Variants in PPARGC1A observed in about 807,000 individuals in gnomAD.
The protein encoded by PPARGC1A is peroxisome proliferator-activated receptor gamma coactivator 1-alpha.
Under a neutral mutation model 88.7 loss-of-function variants are expected in PPARGC1A, and 25 were observed. That is an observed-to-expected ratio of 0.28 (90% CI 0.21 to 0.39). PPARGC1A has a LOEUF of 0.39. PPARGC1A is among the 10% of genes least tolerant of loss of function. PPARGC1A has a pLI of 1.00. For synonymous variants in PPARGC1A, 363 were observed against 355.6 expected (o/e 1.02, Z -0.24); for missense variants, 880 against 968.7 (o/e 0.91, Z 1.22).
the PPARGC1A span, among the ~76,000 whole-genome samples, chr4:24,234,154 C>T: frequency 4.0e-5 from 6 of 151,894 alleles, no homozygotes; most frequent in Non-Finnish European, 7.3e-5. Flanking sequence ...GCACAATGGG[C>T]AGATTTGGAT....
At chr4:24,177,850 T>G in the PPARGC1A span, among the ~76,000 whole-genome samples, 2 of 151,974 alleles carry the variant, frequency 1.3e-5, no homozygotes, top group Non-Finnish European at 2.9e-5. Flanking sequence ...TAATTGCATA[T>G]GAGAAGTCTT....
the PPARGC1A span, among the ~76,000 whole-genome samples, chr4:24,023,914 C>T: frequency 7.9e-3 from 1,204 of 152,314 alleles, 38 homozygotes; most frequent in East Asian, 0.083. Flanking sequence ...CTGTTACAAA[C>T]CTTCAAAGCA....
At chr4:24,103,955 C>T in the PPARGC1A span, among the ~76,000 whole-genome samples, 3 of 152,298 alleles carry the variant, frequency 2.0e-5, no homozygotes, top group Non-Finnish European at 2.9e-5. Flanking sequence ...ACATCGTGTG[C>T]ATTTTCTTTT....
the PPARGC1A span, among the ~76,000 whole-genome samples, chr4:24,146,567 G>A: frequency 6.6e-6 from 1 of 152,214 alleles, no homozygotes; most frequent in Non-Finnish European, 1.5e-5. Context: ...ATCCTAATAG[G>A]AGGCATATAT....
At chr4:24,254,732 A>G in the PPARGC1A span, among the ~76,000 whole-genome samples, 1 of 152,236 alleles carries the variant, frequency 6.6e-6, no homozygotes, top group Non-Finnish European at 1.5e-5. Flanking sequence ...CAAGCTGCAT[A>G]TTGTGATGAG....
intron 10 of PPARGC1A, among the ~76,000 whole-genome samples, chr4:23,808,414 T>G (rs1016818555): frequency 6.6e-6 from 1 of 152,144 alleles, no homozygotes; most frequent in South Asian, 2.1e-4. Context: ...ACATCTAGTT[T>G]TGGTTTTGAG....
chr4:23,927,792 G>T, the PPARGC1A span, among the ~76,000 whole-genome samples: 1 of 152,144 alleles, frequency 6.6e-6, no homozygotes, highest in Admixed American at 6.5e-5. Flanking sequence ...GTACTACACT[G>T]TCCACAATCA....
the PPARGC1A span, among the ~76,000 whole-genome samples, chr4:24,427,317 G>A: frequency 1.4e-5 from 2 of 143,580 alleles, no homozygotes; most frequent in Admixed American, 1.4e-4. Context: ...GTCTGGCTCT[G>A]CTACCCAGGC....
chr4:24,365,416 A>G, the PPARGC1A span, among the ~76,000 whole-genome samples: 2 of 152,288 alleles, frequency 1.3e-5, no homozygotes, highest in South Asian at 4.1e-4. Context: ...AACAATGGCA[A>G]TGATTGAGTA....
chr4:24,071,496 C>CCT, the PPARGC1A span, among the ~76,000 whole-genome samples: 1 of 151,048 alleles, frequency 6.6e-6, no homozygotes, highest in Non-Finnish European at 1.5e-5. Flanking sequence ...AAATTGCATG[C>CCT]TTTTTTTTTC....
At chr4:23,847,769 C>T (rs1728575975) in intron 2 of PPARGC1A, among the ~76,000 whole-genome samples, 1 of 152,128 alleles carries the variant, frequency 6.6e-6, no homozygotes, top group South Asian at 2.1e-4. Flanking sequence ...ATGATCTATG[C>T]ATGGATACTG....
chr4:23,907,814 T>C (rs1424141064), upstream of PPARGC1A, among the ~76,000 whole-genome samples: 6 of 152,180 alleles, frequency 3.9e-5, no homozygotes, highest in Non-Finnish European at 7.3e-5. Context: ...TTAAAATAAA[T>C]GCACACATTA....
At chr4:24,264,014 G>A in the PPARGC1A span, among the ~76,000 whole-genome samples, 3 of 152,130 alleles carry the variant, frequency 2.0e-5, no homozygotes, top group Non-Finnish European at 4.4e-5. Flanking sequence ...GCCTCCCAAA[G>A]TGCTGGGATT....
intron 1 of PPARGC1A, among the ~76,000 whole-genome samples, chr4:23,889,605 T>C (rs1357822304): frequency 2.0e-5 from 3 of 152,186 alleles, no homozygotes; most frequent in Non-Finnish European, 1.5e-5. Flanking sequence ...TATCAATATC[T>C]TAGAGCATAA....
chr4:23,860,062 A>C (rs1185117587), intron 2 of PPARGC1A, among the ~76,000 whole-genome samples: 2 of 152,038 alleles, frequency 1.3e-5, no homozygotes, highest in Non-Finnish European at 2.9e-5. Context: ...GATTGAGGCC[A>C]GGAGTTCAAC....
the PPARGC1A span, among the ~76,000 whole-genome samples, chr4:23,934,981 T>C: frequency 1.3e-5 from 2 of 152,220 alleles, no homozygotes; most frequent in Non-Finnish European, 2.9e-5. Context: ...AGCTTCCCTG[T>C]CTTTTCCACT....
At chr4:24,350,084 G>C in the PPARGC1A span, among the ~76,000 whole-genome samples, 1 of 152,212 alleles carries the variant, frequency 6.6e-6, no homozygotes, top group African/African-American at 2.4e-5. Flanking sequence ...TCTCCAGTGG[G>C]GGGTGTGTTC....
chr4:24,172,689 C>T, the PPARGC1A span, among the ~76,000 whole-genome samples: 509 of 152,324 alleles, frequency 3.3e-3, 3 homozygotes, highest in South Asian at 7.3e-3. Flanking sequence ...GCCTGGGTTT[C>T]GCCTTCACTG....
At chr4:24,043,903 T>C in the PPARGC1A span, among the ~76,000 whole-genome samples, 4 of 152,160 alleles carry the variant, frequency 2.6e-5, no homozygotes, top group Non-Finnish European at 4.4e-5. Context: ...TATAAATAAC[T>C]TGGAAAGACA....
Sources: gnomAD v4.1 joint callset for allele counts (sites outside exome capture counted in the v4.1 genomes callset) on GRCh38, gnomAD v4.1.1 for gene constraint, MANE v1.5 for transcripts, NCBI Gene and HGNC (gene_info 2026-07-23, HGNC 2026-07-21) for gene names.